MRPL58: variants seen among roughly 807,000 people sequenced by gnomAD.
The protein encoded by MRPL58 is large ribosomal subunit protein mL62.
Under a neutral mutation model 26.0 loss-of-function variants are expected in MRPL58, and 17 were observed. The observed-to-expected ratio is 0.65, with a 90% CI of 0.45 to 0.98. The LOEUF (loss-of-function observed/expected upper bound fraction) is 0.98. Among genes scored for constraint, MRPL58 ranks in the 50% least tolerant of loss-of-function variants. The pLI is 0.00. For missense variants in MRPL58, 250 were observed against 269.0 expected (o/e 0.93, Z 0.49); for synonymous variants, 100 against 99.7 (o/e 1.00, Z -0.02).
Position 75,019,716 on chromosome 17 carries a change from T to C in MRPL58, c.240T>C (p.Ser80=). The change falls in exon 3 of 6, where the codon TCT becomes TCC. Residue 80 remains serine (S), a synonymous_variant. Coordinates refer to ENST00000301585, the MANE Select transcript of MRPL58 (RefSeq NM_001545.3). ...GTTTTACAGATCGCTTGACAATATC[T>C]TATTGTCGGAGTAGTGGTCCTGGGG... The part of the protein sequence containing the change: ...SDIPLDRLTI[S]YCRSSGPGGQ... The C allele has an allele frequency of 6.2e-7, 1 of 1,612,504 alleles. No homozygotes were observed. The highest frequency in any genetic ancestry group is 8.5e-7 in the Non-Finnish European group (1 of 1,178,678).
At chr17:75,015,688 G>C (rs60623699) in intron 1 of MRPL58, among the ~76,000 whole-genome samples, 5 of 152,112 alleles carry the variant, frequency 3.3e-5, no homozygotes, top group African/African-American at 1.2e-4. Flanking sequence ...AGGAAGGAGG[G>C]TGTGGCCCAT....
chr17:75,012,941 C>G, intron 1 of MRPL58, 69 bp downstream of exon 1: 1 of 1,413,722 alleles, frequency 7.1e-7, no homozygotes, highest in Non-Finnish European at 9.7e-7. Context: ...GAACCCCAGG[C>G]CCATTGGCCG....
chr17:75,015,121 G>C (rs1051282615), intron 1 of MRPL58, among the ~76,000 whole-genome samples: 1 of 152,220 alleles, frequency 6.6e-6, no homozygotes, highest in African/African-American at 2.4e-5. Flanking sequence ...ACGTTGAGTA[G>C]CAGTTGGGTA....
chr17:75,016,063 C>T (rs1013174652), intron 1 of MRPL58, among the ~76,000 whole-genome samples: 2 of 142,840 alleles, frequency 1.4e-5, no homozygotes, highest in Non-Finnish European at 3.1e-5. Flanking sequence ...GGGATTACGG[C>T]GTGAGCCACT....
chr17:75,013,891 C>A (rs2039952188), intron 1 of MRPL58, among the ~76,000 whole-genome samples: 1 of 152,156 alleles, frequency 6.6e-6, no homozygotes, highest in Non-Finnish European at 1.5e-5. Flanking sequence ...TCCAGCCTTT[C>A]CTCTGAACGC....
chr17:75,015,196 C>G (rs957750079), intron 1 of MRPL58, among the ~76,000 whole-genome samples: 6 of 152,180 alleles, frequency 3.9e-5, no homozygotes, highest in Non-Finnish European at 7.3e-5. Context: ...CAAAAACAGG[C>G]TATTTTCTGG....
chr17:75,014,686 A>T (rs1402166728), intron 1 of MRPL58, among the ~76,000 whole-genome samples: 1 of 151,662 alleles, frequency 6.6e-6, no homozygotes, highest in Non-Finnish European at 1.5e-5. Context: ...ACCTCAAATG[A>T]TCTGCTCGCC....
intron 1 of MRPL58, among the ~76,000 whole-genome samples, chr17:75,014,167 G>A (rs2039954974): frequency 6.9e-6 from 1 of 145,798 alleles, no homozygotes; most frequent in South Asian, 2.2e-4. Context: ...AAGAGGAATT[G>A]AAGTCTGGGG....
At chr17:75,013,535 A>G (rs2039949542) in intron 1 of MRPL58, among the ~76,000 whole-genome samples, 1 of 152,240 alleles carries the variant, frequency 6.6e-6, no homozygotes, top group South Asian at 2.1e-4. Flanking sequence ...TAGTGGAGGG[A>G]GACAAGCAGT....
At chr17:75,019,252 G>T (rs2039997317) in intron 2 of MRPL58, among the ~76,000 whole-genome samples, 1 of 152,144 alleles carries the variant, frequency 6.6e-6, no homozygotes, top group South Asian at 2.1e-4. Context: ...CTCCTAGGGG[G>T]AGACAGGCAG....
intron 2 of MRPL58, among the ~76,000 whole-genome samples, chr17:75,018,936 C>T (rs902242843): frequency 1.4e-4 from 22 of 152,130 alleles, no homozygotes. Context: ...GGCTGAGGAG[C>T]GAATACCATG....
In MRPL58 at chr17:75,021,169, G is replaced by A. The variant is rs989760035; in HGVS notation, c.*164G>A. 8.2e-6 allele frequency: 5 copies of A among 608,262 alleles called. No homozygotes were observed. The highest frequency in any genetic ancestry group is 5.6e-5 in the African/African-American group (3 of 53,844). 37.7% of individuals were successfully genotyped at this position (608,262 alleles called of 1,614,324 possible). The stretch of plus-strand genomic sequence containing the variant: ...TGTTCATTTGGAATGAAGGCTGCAG[G>A]CACTGGTTGCAGACGTCTTTATAGG... On this transcript the variant is annotated 3_prime_UTR_variant, in exon 6 of 6. Transcript: ENST00000301585.
At chr17:75,020,457 A>G (rs569701658) in intron 4 of MRPL58, 31 bp from the exon 5 acceptor site, 3 of 1,613,836 alleles carry the variant, frequency 1.9e-6, no homozygotes, top group South Asian at 2.2e-5. Context: ...TTTACTCTGT[A>G]GGACTCCAGT....
intron 2 of MRPL58, 141 bp downstream of exon 2, chr17:75,017,255 C>T: frequency 3.0e-6 from 2 of 675,952 alleles, no homozygotes; most frequent in African/African-American, 1.8e-5. Flanking sequence ...TGTGCCATTG[C>T]ACTCCAGCCT....
At chr17:75,015,433 G>A (rs550913205) in intron 1 of MRPL58, among the ~76,000 whole-genome samples, 11 of 152,300 alleles carry the variant, frequency 7.2e-5, no homozygotes, top group South Asian at 2.1e-4. Flanking sequence ...GCAGTGAGCC[G>A]AGATTGCACC....
chr17:75,014,308 C>G (rs2039957140), intron 1 of MRPL58, among the ~76,000 whole-genome samples: 1 of 149,024 alleles, frequency 6.7e-6, no homozygotes. Flanking sequence ...GCCTCAGTCT[C>G]CTGAGTAGCT....
intron 5 of MRPL58, 32 bp downstream of exon 5, chr17:75,020,689 T>G: frequency 6.2e-7 from 1 of 1,604,624 alleles, no homozygotes; most frequent in Non-Finnish European, 8.5e-7. Flanking sequence ...TGCTATAAAC[T>G]GATTTGTGTG....
rs1244820897 is a variant in MRPL58, at chr17:75,020,985, A to T, written c.601A>T (p.Arg201Trp). 1.2e-6 allele frequency: 2 copies of T among 1,613,606 alleles called. No individual in the cohort carries two copies. The highest frequency in any genetic ancestry group is 2.7e-5 in the African/African-American group (2 of 74,928). ...AATTCATTCTGCTGTAAAGACAAGCAGGAGGGTCGACATGGACTGAAATCA... is the reference window on the plus strand; with the variant it reads ...AATTCATTCTGCTGTAAAGACAAGCTGGAGGGTCGACATGGACTGAAATCA... Reference protein sequence around the residue: ...KRIHSAVKTSRRVDMD With the variant: ...KRIHSAVKTSWRVDMD The change falls in exon 6 of 6, where the codon AGG becomes TGG. Residue 201 changes from arginine to tryptophan, a missense_variant. By Grantham distance (101) the Arg-to-Trp change is moderately radical. Coordinates refer to ENST00000301585, the MANE Select transcript of MRPL58 (RefSeq NM_001545.3).
intron 2 of MRPL58, among the ~76,000 whole-genome samples, chr17:75,018,135 C>T (rs924648562): frequency 4.1e-5 from 6 of 147,768 alleles, no homozygotes; most frequent in East Asian, 2.0e-4. Flanking sequence ...ATTCTCATGA[C>T]GTGGAGCACT....
Sources: allele counts gnomAD v4.1 joint callset (sites outside exome capture counted in the v4.1 genomes callset), GRCh38; gene constraint gnomAD v4.1.1; transcripts MANE v1.5; gene names NCBI Gene and HGNC (gene_info 2026-07-23, HGNC 2026-07-21).